AGBL1: variants seen among roughly 807,000 people sequenced by gnomAD.
AGBL1 encodes cytosolic carboxypeptidase 4.
Under a neutral mutation model 118.9 loss-of-function variants are expected in AGBL1, and 130 were observed. The ratio of observed to expected loss-of-function variants is 1.09; its 90% CI spans 0.95 to 1.26. The LOEUF (loss-of-function observed/expected upper bound fraction) is 1.26. Ranked by LOEUF, AGBL1 falls within the 50% of genes most tolerant of loss-of-function variation. AGBL1 has a pLI of 0.00. For synonymous variants in AGBL1, 555 were observed against 478.9 expected (o/e 1.16, Z -2.08); for missense variants, 1,584 against 1,298.1 (o/e 1.22, Z -3.38).
chr15:86,498,966 G>A (rs977400921), intron 18 of AGBL1, among the ~76,000 whole-genome samples: 9 of 151,950 alleles, frequency 5.9e-5, no homozygotes, highest in African/African-American at 1.9e-4. Flanking sequence ...ATAGAAAAGG[G>A]GATTTGGTGC....
intron 18 of AGBL1, among the ~76,000 whole-genome samples, chr15:86,416,652 A>G (rs1241506697): frequency 6.6e-6 from 1 of 152,186 alleles, no homozygotes; most frequent in African/African-American, 2.4e-5. Context: ...AATTCAGTGG[A>G]TTTGGCCACT....
intron 16 of AGBL1, among the ~76,000 whole-genome samples, chr15:86,290,470 C>A (rs914126137): frequency 3.3e-5 from 5 of 151,134 alleles, no homozygotes; most frequent in African/African-American, 1.2e-4. Context: ...CCCACCTCAG[C>A]CTCCCACGTA....
chr15:86,132,500 CTGTT>C (rs1249618598), intron 1 of AGBL1, among the ~76,000 whole-genome samples: 1 of 152,188 alleles, frequency 6.6e-6, no homozygotes, highest in African/African-American at 2.4e-5. Context: ...AAGCTGAAAA[CTGTT>C]TGCCACTTCC....
intron 21 of AGBL1, among the ~76,000 whole-genome samples, chr15:86,555,326 C>G (rs1400779258): frequency 6.6e-6 from 1 of 152,206 alleles, no homozygotes. Context: ...ACCTCCCCAG[C>G]ATTAAGCTCA....
chr15:86,767,544 G>T lies in AGBL1; in HGVS notation c.3158+93108G>T, dbSNP rs186674058. 6.6e-5 allele frequency among the ~76,000 whole-genome samples: 10 copies of T among 152,058 alleles called. No homozygotes were observed. The East Asian group carries it at 1.4e-3, about 21-fold the overall frequency. Reference sequence around the variant, plus strand: ...AATATTTCAGAGGCAAACAGTCAAAGAATTCTATTCCTTGAACTGAAGGAA... The same window carrying T: ...AATATTTCAGAGGCAAACAGTCAAATAATTCTATTCCTTGAACTGAAGGAA... On this transcript the variant is annotated intron_variant, in intron 22 of 22. Transcript: ENST00000614907.
At chr15:86,803,409 GT>G (rs1416851329) in intron 22 of AGBL1, among the ~76,000 whole-genome samples, 1 of 152,234 alleles carries the variant, frequency 6.6e-6, no homozygotes, top group African/African-American at 2.4e-5. Context: ...CCATGTGGAA[GT>G]GTGAGTCAAT....
chr15:86,135,506 G>C (rs138551697), intron 1 of AGBL1, among the ~76,000 whole-genome samples: 380 of 152,296 alleles, frequency 2.5e-3, no homozygotes, highest in Non-Finnish European at 4.4e-3. Context: ...GTAAACTTCT[G>C]TAACAATGTT....
intron 18 of AGBL1, among the ~76,000 whole-genome samples, chr15:86,448,251 A>G (rs930058689): frequency 1.3e-5 from 2 of 152,182 alleles, no homozygotes; most frequent in Admixed American, 6.5e-5. Flanking sequence ...GATGTAGAGG[A>G]GGTAGTATTT....
intron 22 of AGBL1, among the ~76,000 whole-genome samples, chr15:86,848,288 G>C (rs1242413036): frequency 6.6e-6 from 1 of 152,036 alleles, no homozygotes; most frequent in Non-Finnish European, 1.5e-5. Context: ...TTATTTTTTA[G>C]TTTTTACTTT....
At chr15:86,201,688 A>T (rs34683341) in intron 5 of AGBL1, among the ~76,000 whole-genome samples, 28,194 of 152,162 alleles carry the variant, frequency 0.19, 2,988 homozygotes, top group Non-Finnish European at 0.23. Flanking sequence ...GGGGAGCACA[A>T]TGGAGCAGTG....
chr15:86,766,120 A>T (rs1053563368), intron 22 of AGBL1, among the ~76,000 whole-genome samples: 1 of 151,954 alleles, frequency 6.6e-6, no homozygotes, highest in Non-Finnish European at 1.5e-5. Context: ...GATAGGTTAC[A>T]GTGGTGTCCC....
At chr15:86,187,007 A>T (rs1387073800) in intron 5 of AGBL1, among the ~76,000 whole-genome samples, 1 of 152,236 alleles carries the variant, frequency 6.6e-6, no homozygotes, top group African/African-American at 2.4e-5. Context: ...TGAGGACATT[A>T]GTCTATTATT....
chr15:86,313,942 G>A lies in AGBL1; in HGVS notation c.2374+18534G>A, dbSNP rs138276542. Among the ~76,000 whole-genome samples the A allele has an allele frequency of 5.0e-3, 768 of 152,294 alleles. 6 individuals are homozygous for A. Among genetic ancestry groups the A allele is most frequent in the African/African-American group, 0.018 (737 of 41,564 alleles). On this transcript the variant is annotated intron_variant, in intron 17 of 22. Transcript: ENST00000614907. ...TAGAGCTGAGGCTCAAATAATTAGA[G>A]ACAGGGTTGGAAGGCACCCACACAC...
At chr15:86,780,857 G>A (rs543312493) in intron 22 of AGBL1, among the ~76,000 whole-genome samples, 1 of 151,810 alleles carries the variant, frequency 6.6e-6, no homozygotes, top group Non-Finnish European at 1.5e-5. Flanking sequence ...TAGTAGAGAC[G>A]TGGTTTCACC....
At chr15:86,500,789 A>G (rs1386908159) in intron 18 of AGBL1, among the ~76,000 whole-genome samples, 5 of 151,750 alleles carry the variant, frequency 3.3e-5, no homozygotes, top group African/African-American at 1.2e-4. Context: ...ACTCAGCACA[A>G]GGTTTTCAAG....
chr15:86,167,962 AGT>A (rs1315019957), intron 5 of AGBL1, among the ~76,000 whole-genome samples: 3 of 152,256 alleles, frequency 2.0e-5, no homozygotes, highest in Admixed American at 2.0e-4. Flanking sequence ...GGAGTGAATT[AGT>A]AGAGATCAGG....
intron 17 of AGBL1, among the ~76,000 whole-genome samples, chr15:86,396,120 T>C (rs2081356982): frequency 7.1e-6 from 1 of 141,822 alleles, no homozygotes; most frequent in Non-Finnish European, 1.5e-5. Context: ...TGTGTGTATA[T>C]ATAAAATCAT....
chr15:86,861,486 A>G (rs776774120), intron 22 of AGBL1, among the ~76,000 whole-genome samples: 4 of 152,208 alleles, frequency 2.6e-5, no homozygotes, highest in Non-Finnish European at 5.9e-5. Context: ...TTTAGTAACT[A>G]TTCCGACTAC....
rs1426426235 is a variant in AGBL1, at chr15:86,742,022, G to A, written c.3158+67586G>A. On this transcript the variant is annotated intron_variant, in intron 22 of 22. Coordinates refer to ENST00000614907, the MANE Select transcript of AGBL1 (RefSeq NM_001386094.1). The stretch of plus-strand genomic sequence containing the variant: ...ATGAGTGGCTTAAAACCCATGCCAC[G>A]CTAAAGATGATGAAAGGGAAGGGTA... Among the ~76,000 whole-genome samples the A allele has an allele frequency of 1.5e-4, 22 of 149,930 alleles. No homozygotes were observed. The East Asian group carries it at 1.8e-3, about 12-fold the overall frequency.
Sources: gnomAD v4.1 joint callset for allele counts (sites outside exome capture counted in the v4.1 genomes callset) on GRCh38, gnomAD v4.1.1 for gene constraint, MANE v1.5 for transcripts, NCBI Gene and HGNC (gene_info 2026-07-23, HGNC 2026-07-21) for gene names.